Variants in PMFBP1 observed in about 807,000 individuals in gnomAD.
PMFBP1 encodes the protein polyamine-modulated factor 1-binding protein 1.
In PMFBP1, 131 loss-of-function variants were observed where a neutral mutation model predicts 137.8. The ratio of observed to expected loss-of-function variants is 0.95; its 90% CI spans 0.82 to 1.10. The LOEUF is 1.10. PMFBP1 is among the 50% of genes least tolerant of loss of function. The pLI, the probability that PMFBP1 is intolerant of heterozygous loss-of-function variation, is 0.00. For synonymous variants in PMFBP1, 490 were observed against 450.4 expected (o/e 1.09, Z -1.11); for missense variants, 1,199 against 1,175.4 (o/e 1.02, Z -0.29).
chr16:72,227,071 T>G, the PMFBP1 span, among the ~76,000 whole-genome samples: 1 of 152,122 alleles, frequency 6.6e-6, no homozygotes, highest in East Asian at 1.9e-4. Context: ...TTTATGCCCC[T>G]CTGCCTGATT....
intron 2 of PMFBP1, among the ~76,000 whole-genome samples, chr16:72,170,804 G>T (rs2043210195): frequency 6.6e-6 from 1 of 152,134 alleles, no homozygotes; most frequent in South Asian, 2.1e-4. Context: ...GATAAAGAGA[G>T]AATGTTAGCA....
At chr16:72,158,304 T>C (rs1567638802) in intron 3 of PMFBP1, among the ~76,000 whole-genome samples, 1 of 152,164 alleles carries the variant, frequency 6.6e-6, no homozygotes, top group Non-Finnish European at 1.5e-5. Flanking sequence ...TTCTAAGTTG[T>C]TCTAAGTTGA....
chr16:72,205,368 A>G, the PMFBP1 span, among the ~76,000 whole-genome samples: 1 of 152,236 alleles, frequency 6.6e-6, no homozygotes, highest in Non-Finnish European at 1.5e-5. Context: ...CTGAATGGAC[A>G]GCTCCTTTTG....
At chr16:72,176,172 G>A (rs2043258979), upstream of PMFBP1, among the ~76,000 whole-genome samples, 1 of 152,180 alleles carries the variant, frequency 6.6e-6, no homozygotes. Context: ...CAGGACTGGA[G>A]TTCTTCTGGA....
At chr16:72,180,612 G>A (rs2043272796), upstream of PMFBP1, among the ~76,000 whole-genome samples, 5 of 151,644 alleles carry the variant, frequency 3.3e-5, no homozygotes, top group Admixed American at 2.6e-4. Context: ...AGCAGGGATC[G>A]ATAGTGTTTA....
At position 72,132,837 on chromosome 16, in the gene PMFBP1, G is replaced by C; in HGVS notation, c.1358C>G (p.Ser453Cys). The C allele has an allele frequency of 6.2e-7, 1 of 1,614,196 alleles. No homozygotes were observed. The highest frequency in any genetic ancestry group is 8.5e-7 in the Non-Finnish European group (1 of 1,180,034). ...CAGGGCCTTGCACTCCGCCTCCTTG[G>C]ACTTGTCCTGCTTAGCCTCCTTGAC... is the stretch of plus-strand genomic sequence containing the variant. Reference protein sequence around the residue: ...MTVKEAKQDKSKEAECKALQA... With the variant: ...MTVKEAKQDKCKEAECKALQA... Residue 453 changes from serine (S) to cysteine (C), a missense_variant, in exon 10 of 21, where the codon TCC (serine) becomes TGC (cysteine). Coordinates refer to ENST00000237353, the MANE Select transcript of PMFBP1 (RefSeq NM_031293.3).
intron 2 of PMFBP1, among the ~76,000 whole-genome samples, chr16:72,170,022 C>T (rs555390092): frequency 8.3e-6 from 1 of 120,002 alleles, no homozygotes; most frequent in East Asian, 2.2e-4. Flanking sequence ...GGCACCTGGG[C>T]AATTTTCACA....
chr16:72,129,129 A>G lies in PMFBP1; in HGVS notation c.1887T>C (p.His629=), dbSNP rs372224711. ...KREQLKKSKE[H]EKLMEGELEA... ...CAAGTTCTCCCTCCATCAGCTTCTC[A>G]TGCTCTTTGCTCTTCTTCAACTGCT... Residue 629 remains histidine (H), a synonymous_variant, in exon 13 of 21, where the codon CAT becomes CAC. Transcript: ENST00000237353. The G allele has an allele frequency of 6.2e-7, 1 of 1,614,166 alleles. No individual in the cohort carries two copies. Among genetic ancestry groups the G allele is most frequent in the Non-Finnish European group, 8.5e-7 (1 of 1,180,026 alleles).
the PMFBP1 span, among the ~76,000 whole-genome samples, chr16:72,207,364 C>T: frequency 6.6e-6 from 1 of 151,880 alleles, no homozygotes; most frequent in Admixed American, 6.6e-5. Context: ...GGTTTTCAGC[C>T]AGAAGCAAGA....
At chr16:72,200,440 A>T in the PMFBP1 span, among the ~76,000 whole-genome samples, 1 of 152,224 alleles carries the variant, frequency 6.6e-6, no homozygotes, top group South Asian at 2.1e-4. Flanking sequence ...AGGTTCTGGG[A>T]GGACATCTAA....
chr16:72,145,174 AAACT>A (rs1394091640), intron 5 of PMFBP1, among the ~76,000 whole-genome samples: 2 of 152,214 alleles, frequency 1.3e-5, no homozygotes, highest in African/African-American at 4.8e-5. Flanking sequence ...AAATCACAAC[AAACT>A]GTCTCTCAGA....
chr16:72,196,592 G>A, the PMFBP1 span, among the ~76,000 whole-genome samples: 2 of 152,224 alleles, frequency 1.3e-5, no homozygotes, highest in South Asian at 4.1e-4. Context: ...CTGTTGTGGA[G>A]CAGCTGGGTA....
the PMFBP1 span, among the ~76,000 whole-genome samples, chr16:72,230,762 C>T: frequency 1.1e-4 from 16 of 152,162 alleles, no homozygotes; most frequent in Admixed American, 7.9e-4. Flanking sequence ...CCTCAGCTGT[C>T]GCTACCTTGG....
chr16:72,126,150 A>T lies in PMFBP1; in HGVS notation c.2089-18T>A. ...AGGGCTATCTTTAAGGAGGGAGAGC[A>T]GAACTGTCAGGGTGCCAGGTCAGGG... On this transcript the variant is annotated intron_variant, in intron 14 of 20. Coordinates refer to ENST00000237353, the MANE Select transcript of PMFBP1 (RefSeq NM_031293.3). 6.2e-7 allele frequency: 1 copy of T among 1,612,576 alleles called. No homozygotes were observed. Among genetic ancestry groups the T allele is most frequent in the Non-Finnish European group, 8.5e-7 (1 of 1,179,398 alleles).
chr16:72,119,350 G>C lies in PMFBP1; in HGVS notation c.3012C>G (p.Ser1004=). 1 of 1,614,160 alleles carries C rather than the reference G, an allele frequency of 6.2e-7. No homozygotes were observed. Among genetic ancestry groups the C allele is most frequent in the Non-Finnish European group, 8.5e-7 (1 of 1,179,994 alleles). The change falls in exon 21 of 21, where the codon TCC becomes TCG. Residue 1004 remains serine (S), a synonymous_variant. Coordinates refer to ENST00000237353, the MANE Select transcript of PMFBP1 (RefSeq NM_031293.3). ...KYIGMPHCPG[S]SYC is the part of the protein sequence containing the mutation. ...CTAGATGTGGATTCTAGCAGTATGA[G>C]GAACCTGAGGGAACAGGGAGGAAAT... is the stretch of plus-strand genomic sequence containing the variant.
the PMFBP1 span, among the ~76,000 whole-genome samples, chr16:72,229,097 A>C: frequency 6.6e-6 from 1 of 152,154 alleles, no homozygotes; most frequent in African/African-American, 2.4e-5. Context: ...AAGTGAGAAC[A>C]TGCAGTATTT....
rs2042452856 is a variant in PMFBP1 at position 72,126,097 on chromosome 16, C to CT, written c.2123dup (p.Ala709GlyfsTer24). The stretch of plus-strand genomic sequence containing the variant: ...TCTGCAGAGCTTTGTCCAGCTGGGC[C>CT]TGCAGGCTCATTAAGGACTCCTTCT... On this transcript the variant is annotated frameshift_variant, in exon 15 of 21. Transcript: ENST00000237353. LOFTEE classifies it high-confidence loss of function. The CT allele has an allele frequency of 6.2e-7, 1 of 1,614,082 alleles. No individual in the cohort carries two copies. The highest frequency in any genetic ancestry group is 1.7e-5 in the Admixed American group (1 of 60,000).
At chr16:72,136,017 A>C (rs1297336877) in intron 9 of PMFBP1, among the ~76,000 whole-genome samples, 1 of 151,994 alleles carries the variant, frequency 6.6e-6, no homozygotes, top group African/African-American at 2.4e-5. Flanking sequence ...GGCCTCTTAA[A>C]GTGCTGGGAT....
Position 72,130,342 on chromosome 16 carries a change from C to T in PMFBP1, c.1653G>A (p.Glu551=), listed in dbSNP as rs1222203597. Residue 551 remains glutamate, a synonymous_variant, in exon 12 of 21, where the codon GAG becomes GAA. Coordinates refer to ENST00000237353, the MANE Select transcript of PMFBP1 (RefSeq NM_031293.3). ...EQTSNRKRVE[E]LSLELSEALR... ...GGGCTTCAGAGAGTTCTAATGACAG[C>T]TCCTCCACCCGTTTTCTAAAGCAAA... 5.0e-6 allele frequency: 8 copies of T among 1,614,076 alleles called. No individual in the cohort carries two copies. Among genetic ancestry groups the T allele is most frequent in the Non-Finnish European group, 6.8e-6 (8 of 1,180,038 alleles).
Sources: allele counts gnomAD v4.1 joint callset (sites outside exome capture counted in the v4.1 genomes callset), GRCh38; gene constraint gnomAD v4.1.1; transcripts MANE v1.5; gene names NCBI Gene and HGNC (gene_info 2026-07-23, HGNC 2026-07-21).